ALG1L2: variants seen among roughly 807,000 people sequenced by gnomAD.
ALG1L2 encodes putative glycosyltransferase ALG1L2.
Under a neutral mutation model 29.0 loss-of-function variants are expected in ALG1L2, and 32 were observed. The ratio of observed to expected loss-of-function variants is 1.10; its 90% CI spans 0.83 to 1.48. The LOEUF is 1.48. Ranked by LOEUF, ALG1L2 falls within the 40% of genes most tolerant of loss-of-function variation. The pLI is 0.00. For missense variants in ALG1L2, 318 were observed against 274.1 expected (o/e 1.16, Z -1.13); for synonymous variants, 110 against 109.5 (o/e 1.00, Z -0.03).
intron 1 of ALG1L2, among the ~76,000 whole-genome samples, chr3:130,085,512 C>T (rs1395825023): frequency 9.4e-5 from 14 of 149,358 alleles, no homozygotes; most frequent in African/African-American, 3.1e-4. Context: ...GCTAGGGTTA[C>T]AGGCATGAGC....
chr3:130,084,522 C>A (rs9883444), intron 1 of ALG1L2, among the ~76,000 whole-genome samples: 56,750 of 95,858 alleles, frequency 0.59, 18,093 homozygotes, highest in Non-Finnish European at 0.64. Context: ...TAAAAAGAAG[C>A]TAAAATGAAG....
Position 130,094,390 on chromosome 3 carries a change from C to A in ALG1L2, c.314-13C>A, listed in dbSNP as rs766934864. On this transcript the variant is annotated splice_polypyrimidine_tract_variant and intron_variant, in intron 4 of 7. Coordinates refer to ENST00000425059, the MANE Select transcript of ALG1L2 (RefSeq NM_001136152.1). ...AGACGGGTTCATGGCAGTGTCTGCTCTTCTCTGTGAAGGCAAAGGGCCTCT... is the reference window on the plus strand; with the variant it reads ...AGACGGGTTCATGGCAGTGTCTGCTATTCTCTGTGAAGGCAAAGGGCCTCT... 1 of 1,592,450 alleles carries A rather than the reference C, an allele frequency of 6.3e-7. No individual in the cohort carries two copies. Among genetic ancestry groups the A allele is most frequent in the South Asian group, 1.1e-5 (1 of 90,926 alleles).
intron 7 of ALG1L2, among the ~76,000 whole-genome samples, 162 bp downstream of exon 7, chr3:130,097,412 G>C (rs1245730278): frequency 6.6e-6 from 1 of 152,218 alleles, no homozygotes; most frequent in African/African-American, 2.4e-5. Flanking sequence ...CTACTCTGCT[G>C]TCCCATTTCG....
Position 130,094,533 on chromosome 3 carries a change from C to A in ALG1L2, c.424+20C>A, listed in dbSNP as rs764441900. On this transcript the variant is annotated intron_variant, in intron 5 of 7. Transcript: ENST00000425059. ...TTCTAGGTGAGAGGCCAGCAGGAGG[C>A]TCAGGGAGGAGGCGGGGCCTTATGC... 1 of 1,578,222 alleles carries A rather than the reference C, an allele frequency of 6.3e-7. No individual in the cohort carries two copies. Among genetic ancestry groups the A allele is most frequent in the Non-Finnish European group, 8.6e-7 (1 of 1,165,136 alleles).
Position 130,093,124 on chromosome 3 carries a change from G to A in ALG1L2, c.277G>A (p.Gly93Arg), listed in dbSNP as rs757730456. Residue 93 changes from glycine (G) to arginine (R), a missense_variant, in exon 4 of 8, where the codon GGA (glycine) becomes AGA (arginine). Transcript: ENST00000425059. ...AGAGTTTGAACAACTGACTCTTGAC[G>A]GACAGAACCTTCCTTCTCTCGTCTG... ...WTEFEQLTLD[G>R]QNLPSLVCVI... The A allele has an allele frequency of 2.3e-5, 37 of 1,610,670 alleles. No homozygotes were observed. The highest frequency in any genetic ancestry group is 2.9e-5 in the Non-Finnish European group (34 of 1,179,426).
At chr3:130,096,438 A>C (rs1935135310) in intron 6 of ALG1L2, among the ~76,000 whole-genome samples, 1 of 86,938 alleles carries the variant, frequency 1.2e-5, no homozygotes, top group Non-Finnish European at 2.9e-5. Context: ...GCACCAACCC[A>C]GTATGAAAAA....
chr3:130,087,499 C>CCGTA (rs1934917491), intron 1 of ALG1L2, among the ~76,000 whole-genome samples: 1 of 148,532 alleles, frequency 6.7e-6, no homozygotes, highest in East Asian at 1.9e-4. Context: ...TGAATGAGGT[C>CCGTA]CATTAGAAAA....
At chr3:130,082,197 G>A (rs1039369510) in intron 1 of ALG1L2, among the ~76,000 whole-genome samples, 161 bp downstream of exon 1, 1 of 149,114 alleles carries the variant, frequency 6.7e-6, no homozygotes, top group African/African-American at 2.4e-5. Flanking sequence ...GTGGGGAAGA[G>A]TGTGAGAGGG....
At chr3:130,095,070 C>T (rs539386180) in intron 5 of ALG1L2, among the ~76,000 whole-genome samples, 1 of 152,192 alleles carries the variant, frequency 6.6e-6, no homozygotes, top group African/African-American at 2.4e-5. Context: ...AGTCTTGCTC[C>T]GTTGCCTAGG....
Position 130,091,331 on chromosome 3 carries a change from T to A in ALG1L2, c.91T>A (p.Phe31Ile), listed in dbSNP as rs1224381983. The A allele has an allele frequency of 1.3e-6, 2 of 1,597,808 alleles. No individual in the cohort carries two copies. Among genetic ancestry groups the A allele is most frequent in the South Asian group, 1.1e-5 (1 of 90,994 alleles). ...ACCTCTGGACCTGCAGCACCGGCTC[T>A]TCATGAAGCTGGGCAGCACGCACTC... ...EAPLDLQHRL[F>I]MKLGSTHSPF... The change falls in exon 2 of 8, where the codon TTC becomes ATC. Residue 31 changes from phenylalanine (F) to isoleucine (I), a missense_variant. Phe to Ile is a conservative substitution (Grantham distance 21, BLOSUM62 0). Coordinates refer to ENST00000425059, the MANE Select transcript of ALG1L2 (RefSeq NM_001136152.1).
rs1483764450 is a variant in ALG1L2, at chr3:130,087,757, T to C, written c.21-3504T>C. Among the ~76,000 whole-genome samples, 2 of 111,958 alleles carry C rather than the reference T, an allele frequency of 1.8e-5. 1 individual carries two copies. The highest frequency in any genetic ancestry group is 4.2e-5 in the Non-Finnish European group (2 of 47,322). 73.4% of individuals were successfully genotyped at this position (111,958 alleles called of 152,430 possible). ...TGGAAAAATAATAATAAATATTACA[T>C]ATTTAATAATTAAATGAATGAAAAA... On this transcript the variant is annotated intron_variant, in intron 1 of 7. Coordinates refer to ENST00000425059, the MANE Select transcript of ALG1L2 (RefSeq NM_001136152.1).
chr3:130,082,109 G>A, intron 1 of ALG1L2, 73 bp downstream of exon 1: 1 of 1,467,096 alleles, frequency 6.8e-7, no homozygotes, highest in Non-Finnish European at 9.3e-7. Context: ...TGATAGACTG[G>A]AGAGACCCTT....
In ALG1L2 at chr3:130,091,244, C is replaced by G. The variant is rs886647446; in HGVS notation, c.21-17C>G. 1 of 1,596,024 alleles carries G rather than the reference C, an allele frequency of 6.3e-7. No homozygotes were observed. The highest frequency in any genetic ancestry group is 1.3e-5 in the African/African-American group (1 of 74,804). ...ATGCTGGACTAATGCAATAGCCCTGCCATGATTTCATTGCAGGGCTGTGAC... is the reference window on the plus strand; with the variant it reads ...ATGCTGGACTAATGCAATAGCCCTGGCATGATTTCATTGCAGGGCTGTGAC... On this transcript the variant is annotated splice_polypyrimidine_tract_variant and intron_variant, in intron 1 of 7. Coordinates refer to ENST00000425059, the MANE Select transcript of ALG1L2 (RefSeq NM_001136152.1).
intron 1 of ALG1L2, among the ~76,000 whole-genome samples, chr3:130,082,808 G>C (rs1375385863): frequency 6.8e-6 from 1 of 146,896 alleles, no homozygotes; most frequent in Admixed American, 6.9e-5. Context: ...TGGGAGCCCA[G>C]CAAGGCTCCA....
At chr3:130,091,240 C>A in intron 1 of ALG1L2, 21 bp from the exon 2 acceptor site, 1 of 1,594,858 alleles carries the variant, frequency 6.3e-7, no homozygotes, top group Non-Finnish European at 8.5e-7. Context: ...ATGCAATAGC[C>A]CTGCCATGAT....
At chr3:130,086,956 C>G (rs550701323) in intron 1 of ALG1L2, among the ~76,000 whole-genome samples, 3 of 151,510 alleles carry the variant, frequency 2.0e-5, no homozygotes, top group African/African-American at 7.2e-5. Context: ...CCACACCTGC[C>G]CCCTTTGCCA....
At chr3:130,091,570 A>G (rs1202829926) in intron 2 of ALG1L2, among the ~76,000 whole-genome samples, 199 bp downstream of exon 2, 1 of 152,218 alleles carries the variant, frequency 6.6e-6, no homozygotes, top group Admixed American at 6.5e-5. Context: ...GCCGCCTTTG[A>G]GCTACAATAG....
chr3:130,092,966 G>T, intron 3 of ALG1L2, 135 bp from the exon 4 acceptor site: 1 of 860,824 alleles, frequency 1.2e-6, no homozygotes, highest in East Asian at 3.0e-5. Context: ...GGAGGCAGAG[G>T]TTGCAGTGAG....
At chr3:130,084,557 G>A (rs1232139340) in intron 1 of ALG1L2, among the ~76,000 whole-genome samples, 2 of 131,420 alleles carry the variant, frequency 1.5e-5, no homozygotes, top group Admixed American at 8.0e-5. Flanking sequence ...ACTTATGGGC[G>A]GGGCGGTAGT....
Sources: allele counts gnomAD v4.1 joint callset (sites outside exome capture counted in the v4.1 genomes callset), GRCh38; gene constraint gnomAD v4.1.1; transcripts MANE v1.5; gene names NCBI Gene and HGNC (gene_info 2026-07-23, HGNC 2026-07-21).